MIPEP: variants seen among roughly 807,000 people sequenced by gnomAD.
The protein encoded by MIPEP is mitochondrial intermediate peptidase.
A neutral mutation model predicts 90.3 loss-of-function variants in MIPEP; 79 were observed. The ratio of observed to expected loss-of-function variants is 0.87; its 90% CI spans 0.73 to 1.05. The LOEUF is 1.05. MIPEP is among the 50% of genes least tolerant of loss of function. MIPEP has a pLI of 0.00. For missense variants in MIPEP, 940 were observed against 905.6 expected, an observed-to-expected ratio of 1.04 and a Z score of -0.49; for synonymous variants, 334 against 315.8, an observed-to-expected ratio of 1.06 and a Z score of -0.61.
At chr13:23,862,623 A>T (rs9507177) in intron 8 of MIPEP, among the ~76,000 whole-genome samples, 41,073 of 152,018 alleles carry the variant, frequency 0.27, 5,650 homozygotes, top group East Asian at 0.46. Flanking sequence ...TGGAAAAACT[A>T]GCAATGTCAT....
intron 14 of MIPEP, among the ~76,000 whole-genome samples, chr13:23,813,667 A>G (rs1402596411): frequency 6.6e-6 from 1 of 151,806 alleles, no homozygotes; most frequent in Non-Finnish European, 1.5e-5. Context: ...CACAATCATA[A>G]TTCACTGCAT....
At chr13:23,810,035 T>C in intron 14 of MIPEP, 111 bp from the exon 15 acceptor site, 21 of 545,508 alleles carry the variant, frequency 3.8e-5, no homozygotes, top group East Asian at 9.5e-5. Context: ...AGTAATAGAA[T>C]TTCATTATAG....
At chr13:23,829,207 T>C (rs1331958932) in intron 14 of MIPEP, among the ~76,000 whole-genome samples, 1 of 152,080 alleles carries the variant, frequency 6.6e-6, no homozygotes, top group Non-Finnish European at 1.5e-5. Flanking sequence ...AAGAAAGCAT[T>C]AAAATGTTTA....
chr13:23,731,241 T>G (rs1033052039), intron 18 of MIPEP, among the ~76,000 whole-genome samples: 3 of 152,194 alleles, frequency 2.0e-5, no homozygotes, highest in Non-Finnish European at 4.4e-5. Context: ...GGAGATGAAT[T>G]CTGTAAAACC....
At chr13:23,770,231 C>T (rs915784413) in intron 16 of MIPEP, among the ~76,000 whole-genome samples, 6 of 152,264 alleles carry the variant, frequency 3.9e-5, no homozygotes, top group South Asian at 2.1e-4. Context: ...GTCACTCTCC[C>T]GTTGTTCACT....
At chr13:23,730,490 C>T in intron 18 of MIPEP, 45 bp from the exon 19 acceptor site, 1 of 1,285,202 alleles carries the variant, frequency 7.8e-7, no homozygotes, top group Non-Finnish European at 1.1e-6. Flanking sequence ...CAGGAGGCAA[C>T]AGGAAGCACA....
chr13:23,741,822 AT>A (rs200578024), intron 18 of MIPEP, among the ~76,000 whole-genome samples: 208 of 142,162 alleles, frequency 1.5e-3, no homozygotes, highest in East Asian at 4.5e-3. Flanking sequence ...TAGAAAAAAA[AT>A]TTAAAAAAAA....
chr13:23,779,135 G>T (rs1187030521), intron 16 of MIPEP, among the ~76,000 whole-genome samples: 2 of 152,170 alleles, frequency 1.3e-5, no homozygotes, highest in Non-Finnish European at 2.9e-5. Context: ...GCCAAATAAG[G>T]ATGTTTGCCT....
At chr13:23,787,405 G>GGAGAGAGAGAGAGAGAGAGAGAAGACA (rs1952856272) in intron 16 of MIPEP, among the ~76,000 whole-genome samples, 7 of 136,968 alleles carry the variant, frequency 5.1e-5, no homozygotes, top group Admixed American at 2.2e-4. Context: ...ACGGGGAGAG[G>GGAGAGAGAGAGAGAGAGAGAGAAGACA]GAGAGAGAGA....
chr13:23,837,980 G>T (rs1479689939), intron 12 of MIPEP, among the ~76,000 whole-genome samples: 1 of 151,854 alleles, frequency 6.6e-6, no homozygotes, highest in African/African-American at 2.4e-5. Flanking sequence ...AGTTTCTATG[G>T]ATTAACTCAT....
At chr13:23,738,765 GA>G (rs925616950) in intron 18 of MIPEP, among the ~76,000 whole-genome samples, 2 of 152,162 alleles carry the variant, frequency 1.3e-5, no homozygotes, top group Non-Finnish European at 2.9e-5. Context: ...ACTTTCTTCT[GA>G]AAACTATGAT....
Position 23,833,688 on chromosome 13 carries a change from A to T in MIPEP, c.1653+2552T>A, listed in dbSNP as rs115461760. Among the ~76,000 whole-genome samples the T allele has an allele frequency of 8.6e-3, 1,313 of 152,242 alleles. 18 individuals are homozygous for T. The highest frequency in any genetic ancestry group is 0.031 in the African/African-American group (1,269 of 41,538). ...ATAAGTAGATGGCAATTTAAAAAAA[A>T]TTGACATTTGTATATGTGGTAAATT... On this transcript the variant is annotated intron_variant, in intron 14 of 18. Transcript: ENST00000382172.
At chr13:23,761,538 G>C (rs1446093590) in intron 16 of MIPEP, among the ~76,000 whole-genome samples, 2 of 152,198 alleles carry the variant, frequency 1.3e-5, no homozygotes, top group Admixed American at 1.3e-4. Context: ...TTCATGGAAG[G>C]ACACAGTTCC....
intron 16 of MIPEP, among the ~76,000 whole-genome samples, chr13:23,788,527 G>C (rs754398922): frequency 3.3e-5 from 5 of 152,328 alleles, no homozygotes; most frequent in South Asian, 2.1e-4. Flanking sequence ...GCCTAGGAAT[G>C]ATACACATCA....
chr13:23,769,536 A>C (rs11148885), intron 16 of MIPEP, among the ~76,000 whole-genome samples: 106,306 of 152,078 alleles, frequency 0.7, 39,751 homozygotes, highest in Non-Finnish European at 0.83. Context: ...GTGTATCACC[A>C]ACAGATTGCA....
intron 16 of MIPEP, among the ~76,000 whole-genome samples, chr13:23,779,498 G>C (rs1952754505): frequency 1.3e-5 from 2 of 152,130 alleles, no homozygotes; most frequent in South Asian, 4.2e-4. Flanking sequence ...TGGACGAATA[G>C]GAACAGCTCC....
chr13:23,750,290 T>C (rs937147549), intron 18 of MIPEP, among the ~76,000 whole-genome samples: 2 of 152,126 alleles, frequency 1.3e-5, no homozygotes, highest in African/African-American at 2.4e-5. Context: ...CCTGGTACGA[T>C]CAAAACTAGC....
At chr13:23,795,305 C>A (rs563349479) in intron 16 of MIPEP, among the ~76,000 whole-genome samples, 1 of 152,218 alleles carries the variant, frequency 6.6e-6, no homozygotes, top group East Asian at 1.9e-4. Flanking sequence ...CCGCCTGGGG[C>A]TCCAGTCCTA....
rs1868748814 is a variant in MIPEP at position 23,831,386 on chromosome 13, G to GGGGGA, written c.1653+4853_1653+4854insTCCCC. ...GGACAGCCTAGCTTCCCCATGGCGG[G>GGGGGA]GGGGGGATGTGGATGGGAATTGCCT... is the stretch of plus-strand genomic sequence containing the variant. On this transcript the variant is annotated intron_variant, in intron 14 of 18. Transcript: ENST00000382172. 4.3e-5 allele frequency among the ~76,000 whole-genome samples: 3 copies of GGGGGA among 69,416 alleles called. 1 individual carries two copies. The highest frequency in any genetic ancestry group is 1.8e-3 in the South Asian group (2 of 1,116). The allele number at this position is 69,416 out of a possible 152,430, so 45.5% of individuals were successfully genotyped here.
Sources: allele counts gnomAD v4.1 joint callset (sites outside exome capture counted in the v4.1 genomes callset), GRCh38; gene constraint gnomAD v4.1.1; transcripts MANE v1.5; gene names NCBI Gene and HGNC (gene_info 2026-07-23, HGNC 2026-07-21).